Variants in FSD1L observed in about 807,000 individuals in gnomAD.
The protein encoded by FSD1L is FSD1-like protein.
Under a neutral mutation model 71.6 loss-of-function variants are expected in FSD1L, and 45 were observed. That is an observed-to-expected ratio of 0.63 (90% CI 0.49 to 0.81). The LOEUF (loss-of-function observed/expected upper bound fraction) is 0.81, where lower values mean the gene tolerates loss of function less well. Among genes scored for constraint, FSD1L ranks in the 30% least tolerant of loss-of-function variants. The pLI, the probability that FSD1L is intolerant of heterozygous loss-of-function variation, is 0.00. For synonymous variants in FSD1L, 197 were observed against 207.2 expected (o/e 0.95, Z 0.42); for missense variants, 561 against 618.1 (o/e 0.91, Z 0.98).
chr9:105,546,333 G>C, intron 13 of FSD1L, 25 bp from the exon 14 acceptor site: 1 of 1,500,772 alleles, frequency 6.7e-7, no homozygotes, highest in South Asian at 1.3e-5. Flanking sequence ...TTTGCAATCT[G>C]ACAGGTTTTT....
chr9:105,504,815 G>A (rs1390361750), intron 7 of FSD1L, among the ~76,000 whole-genome samples: 9 of 151,932 alleles, frequency 5.9e-5, no homozygotes, highest in African/African-American at 1.7e-4. Context: ...TATTTTTTCC[G>A]AATATTTTTT....
Position 105,550,340 on chromosome 9 carries a change from T to G in FSD1L, c.*3857T>G, listed in dbSNP as rs997356988. The stretch of plus-strand genomic sequence containing the variant: ...GTTTCTTCTTTGATTATGTAGTTAC[T>G]CTAGATACATTCTTTTAGGGAAGTG... On this transcript the variant is annotated 3_prime_UTR_variant, in exon 14 of 14. Coordinates refer to ENST00000481272, the MANE Select transcript of FSD1L (RefSeq NM_001145313.3). 2 of 152,082 alleles carry G rather than the reference T, an allele frequency of 1.3e-5. No homozygotes were observed. Among genetic ancestry groups the G allele is most frequent in the Non-Finnish European group, 2.9e-5 (2 of 67,934 alleles). The allele number at this position is 152,082 out of a possible 1,614,324, so 9.4% of individuals were successfully genotyped here. A position where few individuals can be genotyped will look rare whatever the true frequency, so the allele number is the denominator to read the frequency against.
upstream of FSD1L, chr9:105,447,910 G>A: frequency 2.0e-6 from 1 of 496,966 alleles, no homozygotes; most frequent in Non-Finnish European, 3.5e-6. Context: ...AGTGCAGCCT[G>A]CAGAGGCACT....
At chr9:105,516,716 A>C (rs1205310220) in intron 10 of FSD1L, among the ~76,000 whole-genome samples, 1 of 152,360 alleles carries the variant, frequency 6.6e-6, no homozygotes. Flanking sequence ...AAAGATGGGG[A>C]GAAACCAGCG....
At chr9:105,449,136 ATTC>A (rs1829825842) in intron 1 of FSD1L, among the ~76,000 whole-genome samples, 1 of 152,214 alleles carries the variant, frequency 6.6e-6, no homozygotes, top group Non-Finnish European at 1.5e-5. Context: ...CTAAGAGACT[ATTC>A]TTTTCTATTA....
intron 5 of FSD1L, among the ~76,000 whole-genome samples, chr9:105,477,784 AG>A (rs2131674569): frequency 6.6e-6 from 1 of 152,324 alleles, no homozygotes; most frequent in Admixed American, 6.5e-5. Flanking sequence ...TCATGACTTA[AG>A]ATACAGATTC....
At chr9:105,525,128 A>G (rs1835427088) in intron 10 of FSD1L, 2 of 1,553,028 alleles carry the variant, frequency 1.3e-6, no homozygotes, top group African/African-American at 1.4e-5. Context: ...GTCAGAACCT[A>G]CATCTTTCAT....
At chr9:105,497,425 T>C (rs1833482968) in intron 7 of FSD1L, among the ~76,000 whole-genome samples, 1 of 152,152 alleles carries the variant, frequency 6.6e-6, no homozygotes, top group Non-Finnish European at 1.5e-5. Context: ...CTGCAAGAGA[T>C]TGTAGAGAGT....
Position 105,552,376 on chromosome 9 carries a change from C to T in FSD1L, c.*5893C>T, listed in dbSNP as rs1221778118. On this transcript the variant is annotated 3_prime_UTR_variant, in exon 14 of 14. Coordinates refer to ENST00000481272, the MANE Select transcript of FSD1L (RefSeq NM_001145313.3). ...TGATTTTGTGTTCTATATAGAATGT[C>T]CCAGTTAAGATTTTACAGAAGCACC... 2.6e-5 allele frequency: 4 copies of T among 151,822 alleles called. No individual in the cohort carries two copies. The highest frequency in any genetic ancestry group is 5.9e-5 in the Non-Finnish European group (4 of 67,936). 9.4% of individuals were successfully genotyped at this position (151,822 alleles called of 1,614,324 possible).
At chr9:105,448,272 A>G (rs976617774) in intron 1 of FSD1L, 37 bp downstream of exon 1, 3 of 1,412,126 alleles carry the variant, frequency 2.1e-6, no homozygotes, top group Non-Finnish European at 1.9e-6. Flanking sequence ...TACCGAGACA[A>G]GCCGGGCCGG....
rs1837096781 is a variant in FSD1L, at chr9:105,547,906, T to C, written c.*1423T>C. 6.6e-6 allele frequency: 1 copy of C among 152,118 alleles called. No individual in the cohort carries two copies. Among genetic ancestry groups the C allele is most frequent in the Admixed American group, 6.5e-5 (1 of 15,268 alleles). The allele number at this position is 152,118 out of a possible 1,614,324, so 9.4% of individuals were successfully genotyped here. Reference sequence around the variant, plus strand: ...ATTGTGCTATGATAACCAACCTTCTTCCAAGGAGTGACCATTACTGCCTAC... The same window carrying C: ...ATTGTGCTATGATAACCAACCTTCTCCCAAGGAGTGACCATTACTGCCTAC... On this transcript the variant is annotated 3_prime_UTR_variant, in exon 14 of 14. Transcript: ENST00000481272.
intron 2 of FSD1L, among the ~76,000 whole-genome samples, chr9:105,463,617 A>T (rs1191858158): frequency 6.6e-6 from 1 of 152,208 alleles, no homozygotes; most frequent in Non-Finnish European, 1.5e-5. Flanking sequence ...GGAAAATTTT[A>T]TTGGATAGCA....
chr9:105,532,259 C>A (rs1288355689), intron 10 of FSD1L, among the ~76,000 whole-genome samples: 1 of 152,156 alleles, frequency 6.6e-6, no homozygotes, highest in Non-Finnish European at 1.5e-5. Flanking sequence ...AACATACAGA[C>A]CTTTTGTGAT....
At chr9:105,499,225 T>C (rs1833618419) in intron 7 of FSD1L, among the ~76,000 whole-genome samples, 1 of 152,228 alleles carries the variant, frequency 6.6e-6, no homozygotes, top group Non-Finnish European at 1.5e-5. Context: ...ACTTGTATCA[T>C]TGTTGTCATT....
chr9:105,524,211 G>A, intron 10 of FSD1L: 1 of 1,612,280 alleles, frequency 6.2e-7, no homozygotes, highest in East Asian at 2.2e-5. Flanking sequence ...AGCTCTGAAT[G>A]TGATTTGTGT....
chr9:105,534,903 G>A (rs1235406649), intron 11 of FSD1L, among the ~76,000 whole-genome samples, 164 bp from the exon 12 acceptor site: 2 of 152,194 alleles, frequency 1.3e-5, no homozygotes, highest in Admixed American at 1.3e-4. Flanking sequence ...GGTAAAGTTA[G>A]AGCAGGTACT....
chr9:105,520,357 A>C, intron 10 of FSD1L: 1 of 1,240,818 alleles, frequency 8.1e-7, no homozygotes, highest in South Asian at 1.3e-5. Context: ...TATTTAGTGA[A>C]AAAAAGAATG....
intron 1 of FSD1L, among the ~76,000 whole-genome samples, chr9:105,457,342 T>A (rs1367629839): frequency 6.6e-6 from 1 of 152,144 alleles, no homozygotes; most frequent in Non-Finnish European, 1.5e-5. Flanking sequence ...TTTGAGATCT[T>A]ATAGGTCATG....
At chr9:105,504,938 C>T in intron 7 of FSD1L, among the ~76,000 whole-genome samples, 1 of 152,150 alleles carries the variant, frequency 6.6e-6, no homozygotes, top group East Asian at 1.9e-4. Flanking sequence ...TTACCATAAA[C>T]CCACTACCTC....
Sources: gnomAD v4.1 joint callset for allele counts (sites outside exome capture counted in the v4.1 genomes callset) on GRCh38, gnomAD v4.1.1 for gene constraint, MANE v1.5 for transcripts, NCBI Gene and HGNC (gene_info 2026-07-23, HGNC 2026-07-21) for gene names.